The following EBI3 variants were observed in gnomAD, a reference collection of about 807,000 sequenced individuals.
EBI3 encodes interleukin-27 subunit beta.
In EBI3, 19 loss-of-function variants were observed where a neutral mutation model predicts 21.3. That is an observed-to-expected ratio of 0.89 (90% CI 0.62 to 1.31). The LOEUF is 1.31. EBI3 is among the 50% of genes most tolerant of loss of function. EBI3 has a pLI of 0.00. For synonymous variants in EBI3, 154 were observed against 131.2 expected, an observed-to-expected ratio of 1.17 and a Z score of -1.19; for missense variants, 331 against 314.0, an observed-to-expected ratio of 1.05 and a Z score of -0.41.
Position 4,231,195 on chromosome 19 carries a change from C to T in EBI3, c.72C>T (p.Pro24=). 1.3e-6 allele frequency: 2 copies of T among 1,587,084 alleles called. No individual in the cohort carries two copies. Among genetic ancestry groups the T allele is most frequent in the South Asian group, 1.1e-5 (1 of 88,490 alleles). ...ACTCTTTCTGTCTTCCTCCAGGGCC[C>T]CCAGCAGCTCTGACACTGCCCCGGG... is the stretch of plus-strand genomic sequence containing the variant. The part of the protein sequence containing the change: ...SCPPCSGRKG[P]PAALTLPRVQ... Residue 24 remains proline (P), a synonymous_variant, in exon 2 of 5, where the codon CCC becomes CCT. Transcript: ENST00000221847.
intron 4 of EBI3, among the ~76,000 whole-genome samples, chr19:4,235,383 G>A (rs943292480): frequency 6.7e-6 from 1 of 149,642 alleles, no homozygotes; most frequent in Non-Finnish European, 1.5e-5. Context: ...GCAGTGGCGC[G>A]ATCTTGGCTC....
chr19:4,234,122 C>T (rs75163141), intron 3 of EBI3, among the ~76,000 whole-genome samples: 1 of 152,196 alleles, frequency 6.6e-6, no homozygotes, highest in Non-Finnish European at 1.5e-5. Flanking sequence ...ACGAGAATCA[C>T]TTGAACCCAG....
At position 4,231,093 on chromosome 19, in the gene EBI3, C is replaced by T. The variant is rs1568354943; in HGVS notation, c.68-98C>T. 4 of 1,439,654 alleles carry T rather than the reference C, an allele frequency of 2.8e-6. No homozygotes were observed. The East Asian group carries it at 1.0e-4, about 37-fold the overall frequency. The allele number at this position is 1,439,654 out of a possible 1,614,324, so 89.2% of individuals were successfully genotyped here. A position where few individuals can be genotyped will look rare whatever the true frequency, so the allele number is the denominator to read the frequency against. ...GCCTTTATTAGGCACCTACCATGTA[C>T]CTGGTGCTGGCTGGCAACGTGGCAG... On this transcript the variant is annotated intron_variant, in intron 1 of 4. Coordinates refer to ENST00000221847, the MANE Select transcript of EBI3 (RefSeq NM_005755.3).
In EBI3 at chr19:4,233,512, C is replaced by T. The variant is rs572812260; in HGVS notation, c.379+205C>T. Among the ~76,000 whole-genome samples the T allele has an allele frequency of 7.9e-5, 12 of 152,272 alleles. No homozygotes were observed. In the East Asian group the frequency reaches 2.3e-3, roughly 29 times the overall value. Reference sequence around the variant, plus strand: ...TCCCCTCCATCCTGAGCCCTGGCCTCCACAGTCTGTCCTTCCCACAGCAGC... The same window carrying T: ...TCCCCTCCATCCTGAGCCCTGGCCTTCACAGTCTGTCCTTCCCACAGCAGC... On this transcript the variant is annotated intron_variant, in intron 3 of 4. Coordinates refer to ENST00000221847, the MANE Select transcript of EBI3 (RefSeq NM_005755.3).
chr19:4,232,776 T>G (rs377022462), intron 2 of EBI3, among the ~76,000 whole-genome samples: 8 of 119,196 alleles, frequency 6.7e-5, no homozygotes, highest in Admixed American at 3.1e-4. Flanking sequence ...AGGAATGAAT[T>G]AATGAATGAA....
At position 4,233,363 on chromosome 19, in the gene EBI3, C is replaced by T. The variant is rs1215957562; in HGVS notation, c.379+56C>T. On this transcript the variant is annotated intron_variant, in intron 3 of 4. Coordinates refer to ENST00000221847, the MANE Select transcript of EBI3 (RefSeq NM_005755.3). ...GGGGCTGCCGTCTCCTTCCAGCTCC[C>T]CCCACCCCACCTCCCACCTGTCCTC... 7 of 1,509,296 alleles carry T rather than the reference C, an allele frequency of 4.6e-6. No individual in the cohort carries two copies. The African/African-American group carries it at 9.7e-5, about 21-fold the overall frequency. The allele number at this position is 1,509,296 out of a possible 1,614,324, so 93.5% of individuals were successfully genotyped here.
intron 2 of EBI3, chr19:4,232,907 T>G: frequency 2.1e-6 from 1 of 472,718 alleles, no homozygotes; most frequent in Non-Finnish European, 3.7e-6. Flanking sequence ...CTAGCTTGGG[T>G]TGTAATCCCC....
At chr19:4,236,129 G>T (rs1970834691) in intron 4 of EBI3, among the ~76,000 whole-genome samples, 1 of 152,118 alleles carries the variant, frequency 6.6e-6, no homozygotes, top group South Asian at 2.1e-4. Context: ...GCTGAGGCAG[G>T]CAGATCACGA....
chr19:4,234,662 G>C lies in EBI3; in HGVS notation c.380-5G>C, dbSNP rs370189348. ...CCCTGACCCTGCTTCCTGCTTGTCC[G>C]TCAGTCAAGCCCGACCCTCCAGAAG... is the stretch of plus-strand genomic sequence containing the variant. On this transcript the variant is annotated splice_polypyrimidine_tract_variant and splice_region_variant and intron_variant, in intron 3 of 4. Transcript: ENST00000221847. 6.2e-7 allele frequency: 1 copy of C among 1,609,338 alleles called. No individual in the cohort carries two copies.
chr19:4,236,970 G>A lies in EBI3; in HGVS notation c.572G>A (p.Arg191Lys), dbSNP rs776345290. The A allele has an allele frequency of 3.2e-6, 5 of 1,544,292 alleles. No individual in the cohort carries two copies. Among genetic ancestry groups the A allele is most frequent in the Middle Eastern group, 1.7e-4 (1 of 5,738 alleles). Reference protein sequence around the residue: ...GPIEATSFILRAVRPRARYYV... With the variant: ...GPIEATSFILKAVRPRARYYV... Reference sequence around the variant, plus strand: ...ATTGAAGCCACGTCCTTCATCCTCAGGGCTGTGCGGCCCCGAGCCAGGTAC... The same window carrying A: ...ATTGAAGCCACGTCCTTCATCCTCAAGGCTGTGCGGCCCCGAGCCAGGTAC... The change falls in exon 5 of 5, where the codon AGG (arginine) becomes AAG (lysine). Residue 191 changes from arginine (R) to lysine (K), a missense_variant. Physicochemically the swap from Arg to Lys is conservative, Grantham distance 26. Coordinates refer to ENST00000221847, the MANE Select transcript of EBI3 (RefSeq NM_005755.3).
chr19:4,229,719 C>A, intron 1 of EBI3, 102 bp downstream of exon 1: 1 of 1,244,940 alleles, frequency 8.0e-7, no homozygotes. Flanking sequence ...TCCTCCCGTG[C>A]CCAATGGTGG....
intron 4 of EBI3, among the ~76,000 whole-genome samples, chr19:4,236,047 C>T (rs1970833954): frequency 6.6e-6 from 1 of 151,788 alleles, no homozygotes; most frequent in Admixed American, 6.6e-5. Flanking sequence ...CAGGTGAAAC[C>T]CCATCTCTAT....
rs779882741 is a variant in EBI3 at position 4,231,230 on chromosome 19, G to T, written c.107G>T (p.Arg36Leu). The T allele has an allele frequency of 6.2e-7, 1 of 1,610,854 alleles. No individual in the cohort carries two copies. Among genetic ancestry groups the T allele is most frequent in the Admixed American group, 1.7e-5 (1 of 59,162 alleles). ...CTGACACTGCCCCGGGTGCAATGCC[G>T]AGCCTCTCGGTACCCGATCGCCGTG... ...AALTLPRVQC[R>L]ASRYPIAVDC... is the part of the protein sequence containing the mutation. Residue 36 changes from arginine to leucine, a missense_variant, in exon 2 of 5, where the codon CGA becomes CTA. Arg to Leu is a moderately radical substitution (Grantham distance 102, BLOSUM62 -2). Coordinates refer to ENST00000221847, the MANE Select transcript of EBI3 (RefSeq NM_005755.3).
At position 4,233,161 on chromosome 19, in the gene EBI3, C is replaced by T; in HGVS notation, c.233C>T (p.Pro78Leu). 6.2e-7 allele frequency: 1 copy of T among 1,605,018 alleles called. No homozygotes were observed. Among genetic ancestry groups the T allele is most frequent in the Non-Finnish European group, 8.5e-7 (1 of 1,179,162 alleles). The change falls in exon 3 of 5, where the codon CCC (proline) becomes CTC (leucine). Residue 78 changes from proline (P) to leucine (L), a missense_variant. Coordinates refer to ENST00000221847, the MANE Select transcript of EBI3 (RefSeq NM_005755.3). ...LGMAARGHSWPCLQQTPTSTS... is the reference protein window; with the variant it reads ...LGMAARGHSWLCLQQTPTSTS... ...ATGGCTGCCCGGGGCCACAGCTGGC[C>T]CTGCCTGCAGCAGACGCCAACGTCC... is the stretch of plus-strand genomic sequence containing the variant.
At chr19:4,234,619 A>ATGAC in intron 3 of EBI3, 48 bp from the exon 4 acceptor site, 1 of 1,573,780 alleles carries the variant, frequency 6.4e-7, no homozygotes, top group Non-Finnish European at 8.6e-7. Context: ...GAATGAATGA[A>ATGAC]TGACTGGACT....
At chr19:4,232,974 T>C (rs1340564106) in intron 2 of EBI3, 155 bp from the exon 3 acceptor site, 3 of 787,308 alleles carry the variant, frequency 3.8e-6, no homozygotes, top group Admixed American at 3.7e-5. Flanking sequence ...CCCCGGGGGG[T>C]GGCACGGCCA....
At chr19:4,230,334 G>A (rs951816563) in intron 1 of EBI3, among the ~76,000 whole-genome samples, 12 of 152,256 alleles carry the variant, frequency 7.9e-5, no homozygotes, top group African/African-American at 2.6e-4. Flanking sequence ...GGAGGCCAGG[G>A]CGTGAGGATC....
In EBI3 at chr19:4,237,043, T is replaced by C. The variant is rs1316560886; in HGVS notation, c.645T>C (p.Ser215=). The C allele has an allele frequency of 2.6e-6, 4 of 1,566,780 alleles. No individual in the cohort carries two copies. Among genetic ancestry groups the C allele is most frequent in the East Asian group, 2.4e-5 (1 of 41,288 alleles). ...ACCTCACAGACTACGGGGAACTGAG[T>C]GACTGGAGTCTCCCCGCCACTGCCA... ...AQDLTDYGEL[S]DWSLPATATM... Residue 215 remains serine, a synonymous_variant, in exon 5 of 5, where the codon AGT becomes AGC. Transcript: ENST00000221847.
chr19:4,232,967 C>CGGGG lies in EBI3; in HGVS notation c.201-159_201-156dup, dbSNP rs374988258. 143 of 758,522 alleles carry CGGGG rather than the reference C, an allele frequency of 1.9e-4. No individual in the cohort carries two copies. The African/African-American group carries it at 2.3e-3, about 12-fold the overall frequency. The allele number at this position is 758,522 out of a possible 1,614,324, so 47.0% of individuals were successfully genotyped here. On this transcript the variant is annotated intron_variant, in intron 2 of 4. Coordinates refer to ENST00000221847, the MANE Select transcript of EBI3 (RefSeq NM_005755.3). ...GATGTTGGGGCCCATGCCCTGCCCC[C>CGGGG]GGGGGGTGGCACGGCCACCACCAGG...
Sources: allele counts gnomAD v4.1 joint callset (sites outside exome capture counted in the v4.1 genomes callset), GRCh38; gene constraint gnomAD v4.1.1; transcripts MANE v1.5; gene names NCBI Gene and HGNC (gene_info 2026-07-23, HGNC 2026-07-21).